RNF170: variants seen among roughly 807,000 people sequenced by gnomAD.
RNF170 encodes the protein ring finger protein 170, also known as E3 ubiquitin-protein ligase RNF170.
A neutral mutation model predicts 32.7 loss-of-function variants in RNF170; 12 were observed. That is an observed-to-expected ratio of 0.37 (90% CI 0.24 to 0.60). The LOEUF is 0.60. Among genes scored for constraint, RNF170 ranks in the 20% least tolerant of loss-of-function variants. RNF170 has a pLI of 0.72. For synonymous variants in RNF170, 91 were observed against 103.6 expected (o/e 0.88, Z 0.74); for missense variants, 212 against 311.2 (o/e 0.68, Z 2.40).
rs1322438212 is a variant in RNF170 at position 42,853,350 on chromosome 8, TCTTTAATCA to T, written c.*2800_*2808del. On this transcript the variant is annotated 3_prime_UTR_variant, in exon 7 of 7. Transcript: ENST00000527424. Reference sequence around the variant, plus strand: ...CAAAAGAATAAAATGCTTGACAAACTCTTTAATCACAAGGTTTGAACCAAACCACCAGTC... The same window carrying T: ...CAAAAGAATAAAATGCTTGACAAACTCAAGGTTTGAACCAAACCACCAGTC... 8.0e-7 allele frequency: 1 copy of T among 1,244,626 alleles called. No individual in the cohort carries two copies. Among genetic ancestry groups the T allele is most frequent in the Non-Finnish European group, 1.0e-6 (1 of 966,674 alleles). 77.1% of individuals were successfully genotyped at this position (1,244,626 alleles called of 1,614,324 possible). A position where few individuals can be genotyped will look rare whatever the true frequency, so the allele number is the denominator to read the frequency against.
downstream of RNF170, among the ~76,000 whole-genome samples, chr8:42,852,881 C>G (rs911129999): frequency 6.6e-6 from 1 of 152,004 alleles, no homozygotes; most frequent in African/African-American, 2.4e-5. Flanking sequence ...CACCTGTAAT[C>G]CCAGCACTTT....
At chr8:42,868,986 T>C (rs138484278) in intron 4 of RNF170, among the ~76,000 whole-genome samples, 37 of 152,264 alleles carry the variant, frequency 2.4e-4, no homozygotes, top group African/African-American at 7.9e-4. Flanking sequence ...TCACAGTTCA[T>C]TGCAGGCTCA....
At chr8:42,872,758 G>T (rs945104712) in intron 3 of RNF170, among the ~76,000 whole-genome samples, 4 of 152,006 alleles carry the variant, frequency 2.6e-5, no homozygotes, top group African/African-American at 4.8e-5. Flanking sequence ...AGTTATTCTT[G>T]TATCAATAAA....
downstream of RNF170, among the ~76,000 whole-genome samples, chr8:42,851,428 G>C (rs1190512259): frequency 6.6e-6 from 1 of 152,022 alleles, no homozygotes; most frequent in South Asian, 2.1e-4. Flanking sequence ...AGTTGGGTGT[G>C]GTGGTGGGCA....
At chr8:42,861,919 GTTA>G (rs1296962381) in intron 5 of RNF170, 64 bp from the exon 6 acceptor site, 5 of 1,475,448 alleles carry the variant, frequency 3.4e-6, no homozygotes, top group Admixed American at 2.1e-5. Context: ...TTCATTTTGT[GTTA>G]TTATTCAATA....
In RNF170 at chr8:42,892,008, G is replaced by A. The variant is rs1045615669; in HGVS notation, c.-7-4137C>T. 3.9e-5 allele frequency among the ~76,000 whole-genome samples: 6 copies of A among 152,168 alleles called. No individual in the cohort carries two copies. In the East Asian group the frequency reaches 7.7e-4, roughly 20 times the overall value. ...ATATGCAAACTGAGCTTCAATGCCC[G>A]GTCAATGCCCATTCTCATCTACCAC... On this transcript the variant is annotated intron_variant, in intron 1 of 6. Coordinates refer to ENST00000527424, the MANE Select transcript of RNF170 (RefSeq NM_030954.4).
chr8:42,878,149 T>C (rs1805100125), intron 2 of RNF170, among the ~76,000 whole-genome samples: 1 of 152,168 alleles, frequency 6.6e-6, no homozygotes, highest in Non-Finnish European at 1.5e-5. Context: ...ACCTTCCTAT[T>C]CCCTGAGGCA....
At chr8:42,857,564 A>C (rs942628827) in intron 6 of RNF170, among the ~76,000 whole-genome samples, 2 of 152,240 alleles carry the variant, frequency 1.3e-5, no homozygotes, top group Admixed American at 6.5e-5. Context: ...TGGTTTAGTA[A>C]GAAATGTTTC....
Position 42,853,822 on chromosome 8 carries a change from A to G in RNF170, c.*2337T>C. 1 of 1,287,184 alleles carries G rather than the reference A, an allele frequency of 7.8e-7. No homozygotes were observed. Among genetic ancestry groups the G allele is most frequent in the South Asian group, 1.2e-5 (1 of 80,924 alleles). 79.7% of individuals were successfully genotyped at this position (1,287,184 alleles called of 1,614,324 possible). On this transcript the variant is annotated 3_prime_UTR_variant, in exon 7 of 7. Transcript: ENST00000527424. Reference sequence around the variant, plus strand: ...CACATACCCTTTTCACAATTTAGGAAGCTTTAAGATCATTTAGTATTTTTT... The same window carrying G: ...CACATACCCTTTTCACAATTTAGGAGGCTTTAAGATCATTTAGTATTTTTT...
chr8:42,873,811 G>GT, intron 3 of RNF170, 120 bp downstream of exon 3: 2 of 688,680 alleles, frequency 2.9e-6, no homozygotes, highest in Non-Finnish European at 5.2e-6. Flanking sequence ...ATAATATAAG[G>GT]TAATTTGAAG....
Position 42,854,231 on chromosome 8 carries a change from A to C in RNF170, c.*1928T>G, listed in dbSNP as rs1803071457. 7.8e-7 allele frequency: 1 copy of C among 1,287,100 alleles called. No homozygotes were observed. Among genetic ancestry groups the C allele is most frequent in the Admixed American group, 2.3e-5 (1 of 43,538 alleles). 79.7% of individuals were successfully genotyped at this position (1,287,100 alleles called of 1,614,324 possible). A position where few individuals can be genotyped will look rare whatever the true frequency, so the allele number is the denominator to read the frequency against. ...AGCTGTCTTACTCTGATGGAGGTAT[A>C]ATGTAGCACGAAAGACTTCCAAAGA... On this transcript the variant is annotated 3_prime_UTR_variant, in exon 7 of 7. Transcript: ENST00000527424.
chr8:42,893,324 A>G (rs1013087062), intron 1 of RNF170, among the ~76,000 whole-genome samples: 4 of 152,202 alleles, frequency 2.6e-5, no homozygotes, highest in African/African-American at 9.6e-5. Context: ...ATTCACAAAA[A>G]CTGAACCCCA....
chr8:42,862,932 G>A (rs966379385), intron 5 of RNF170, among the ~76,000 whole-genome samples: 1 of 152,196 alleles, frequency 6.6e-6, no homozygotes, highest in Non-Finnish European at 1.5e-5. Flanking sequence ...CCTGGGGCAG[G>A]TGCAAGAATG....
chr8:42,860,080 A>G (rs898917980), intron 6 of RNF170, among the ~76,000 whole-genome samples: 3 of 152,210 alleles, frequency 2.0e-5, no homozygotes, highest in Admixed American at 6.5e-5. Flanking sequence ...AGAACAGACT[A>G]TGTCAAGGAG....
chr8:42,896,472 C>T lies in RNF170; in HGVS notation c.-8+12G>A, dbSNP rs1042849320. Reference sequence around the variant, plus strand: ...CGATAGGGTGGGCGTGGCCGCCGCGCGCCGGACGTACCTCTCCACCGCGAA... The same window carrying T: ...CGATAGGGTGGGCGTGGCCGCCGCGTGCCGGACGTACCTCTCCACCGCGAA... On this transcript the variant is annotated intron_variant, in intron 1 of 6. Coordinates refer to ENST00000527424, the MANE Select transcript of RNF170 (RefSeq NM_030954.4). The T allele has an allele frequency of 6.6e-6, 3 of 453,804 alleles. No homozygotes were observed. The highest frequency in any genetic ancestry group is 2.0e-5 in the African/African-American group (1 of 50,070). The allele number at this position is 453,804 out of a possible 1,614,324, so 28.1% of individuals were successfully genotyped here.
intron 2 of RNF170, 52 bp from the exon 3 acceptor site, chr8:42,874,058 C>A: frequency 9.3e-7 from 1 of 1,074,018 alleles, no homozygotes; most frequent in South Asian, 1.3e-5. Flanking sequence ...TCATATGAAT[C>A]CATTTTCTTC....
chr8:42,855,926 A>G lies in RNF170; in HGVS notation c.*233T>C. 7.7e-7 allele frequency: 1 copy of G among 1,303,458 alleles called. No homozygotes were observed. The allele number at this position is 1,303,458 out of a possible 1,614,324, so 80.7% of individuals were successfully genotyped here. On this transcript the variant is annotated 3_prime_UTR_variant, in exon 7 of 7. Coordinates refer to ENST00000527424, the MANE Select transcript of RNF170 (RefSeq NM_030954.4). ...TATTTTTTCCAGACAACATAGAATC[A>G]AGATACAACTGTAGATCATTATAAT...
Position 42,896,243 on chromosome 8 carries a change from G to C in RNF170, c.-8+241C>G, listed in dbSNP as rs759282793. On this transcript the variant is annotated intron_variant, in intron 1 of 6. Coordinates refer to ENST00000527424, the MANE Select transcript of RNF170 (RefSeq NM_030954.4). ...AGGGAGCGGCGGTGTCCTCGCCGCC[G>C]CCAAACCCACCTAGAGCCGCTCTCC... The C allele has an allele frequency of 2.7e-4, 87 of 323,066 alleles. 1 individual carries two copies. Among genetic ancestry groups the C allele is most frequent in the Non-Finnish European group, 4.8e-4 (80 of 166,090 alleles). The allele number at this position is 323,066 out of a possible 1,614,324, so 20.0% of individuals were successfully genotyped here.
chr8:42,877,088 G>A lies in RNF170; in HGVS notation c.138-3082C>T, dbSNP rs371833493. Among the ~76,000 whole-genome samples the A allele has an allele frequency of 8.2e-5, 12 of 146,406 alleles. No homozygotes were observed. In the South Asian group the frequency reaches 1.3e-3, roughly 16 times the overall value. On this transcript the variant is annotated intron_variant, in intron 2 of 6. Coordinates refer to ENST00000527424, the MANE Select transcript of RNF170 (RefSeq NM_030954.4). The stretch of plus-strand genomic sequence containing the variant: ...CCTGTCTCAGCCTCCCGAGTAGCCC[G>A]GCTAATTTTTTCTATTTTTAGTAGA...
Sources: gnomAD v4.1 joint callset for allele counts (sites outside exome capture counted in the v4.1 genomes callset) on GRCh38, gnomAD v4.1.1 for gene constraint, MANE v1.5 for transcripts, NCBI Gene and HGNC (gene_info 2026-07-23, HGNC 2026-07-21) for gene names.